The following ROCK1 variants were observed in gnomAD, a reference collection of about 807,000 sequenced individuals.
ROCK1 encodes Rho associated coiled-coil containing protein kinase 1, also known as rho-associated protein kinase 1.
In ROCK1, 36 loss-of-function variants were observed where a neutral mutation model predicts 196.8. That is an observed-to-expected ratio of 0.18 (90% CI 0.14 to 0.24). The LOEUF (loss-of-function observed/expected upper bound fraction) is 0.24. ROCK1 is among the 10% of genes least tolerant of loss of function. ROCK1 has a pLI of 1.00. For synonymous variants in ROCK1, 443 were observed against 515.9 expected (o/e 0.86, Z 1.91); for missense variants, 920 against 1,562.0 (o/e 0.59, Z 6.93).
At chr18:21,061,429 C>T (rs565180606) in intron 2 of ROCK1, among the ~76,000 whole-genome samples, 2 of 152,268 alleles carry the variant, frequency 1.3e-5, no homozygotes, top group South Asian at 4.1e-4. Context: ...AAAGGCTATA[C>T]ACTGTATGAT....
intron 2 of ROCK1, among the ~76,000 whole-genome samples, chr18:21,061,742 G>T (rs1035859528): frequency 2.0e-5 from 3 of 152,152 alleles, no homozygotes; most frequent in African/African-American, 7.2e-5. Context: ...ACGTAATGCT[G>T]GAAAACTGTT....
At chr18:21,001,667 A>T (rs1370443187) in intron 16 of ROCK1, among the ~76,000 whole-genome samples, 2 of 152,012 alleles carry the variant, frequency 1.3e-5, no homozygotes, top group African/African-American at 4.8e-5. Flanking sequence ...TGGGAGGCTG[A>T]GGCAGGAGAA....
At chr18:21,054,133 G>A (rs1421746465) in intron 2 of ROCK1, among the ~76,000 whole-genome samples, 3 of 152,034 alleles carry the variant, frequency 2.0e-5, no homozygotes, top group African/African-American at 4.8e-5. Context: ...TTTATTTATG[G>A]ACACTGAAAT....
chr18:21,090,592 T>C (rs2036561247), intron 1 of ROCK1, among the ~76,000 whole-genome samples: 2 of 152,198 alleles, frequency 1.3e-5, no homozygotes, highest in South Asian at 4.1e-4. Flanking sequence ...TCCTGCAGTT[T>C]TAAAATGTTA....
intron 23 of ROCK1, 105 bp from the exon 24 acceptor site, chr18:20,969,313 C>T (rs2035404453): frequency 1.7e-6 from 1 of 604,648 alleles, no homozygotes; most frequent in Non-Finnish European, 2.9e-6. Flanking sequence ...TCAGACACTG[C>T]TGAACTACAG....
intron 1 of ROCK1, among the ~76,000 whole-genome samples, chr18:21,104,938 C>T (rs1490516235): frequency 6.6e-6 from 1 of 152,186 alleles, no homozygotes; most frequent in Non-Finnish European, 1.5e-5. Flanking sequence ...CAATAACGCA[C>T]AGCTAGATTA....
chr18:21,044,118 C>A lies in ROCK1; in HGVS notation c.659G>T (p.Cys220Phe). 1 of 1,606,818 alleles carries A rather than the reference C, an allele frequency of 6.2e-7. No homozygotes were observed. Among genetic ancestry groups the A allele is most frequent in the Non-Finnish European group, 8.5e-7 (1 of 1,175,256 alleles). ...GHLKLADFGTCMKMNKEGMVR... is the reference protein window; with the variant it reads ...GHLKLADFGTFMKMNKEGMVR... ...TTAATTAACCTTATTCATCTTCATA[C>A]AAGTACCAAAATCTGCTAACTTCAA... The change falls in exon 6 of 33, where the codon TGT becomes TTT. Residue 220 changes from cysteine to phenylalanine, a missense_variant. Physicochemically the swap from Cys to Phe is radical, Grantham distance 205. Around this residue, in one of 6 missense-constraint regions of ROCK1, gnomAD observed 234 missense variants for 460.7 expected, o/e 0.51. Transcript: ENST00000399799.
At chr18:20,975,065 AAT>A (rs1201407863) in intron 22 of ROCK1, among the ~76,000 whole-genome samples, 46 of 152,348 alleles carry the variant, frequency 3.0e-4, no homozygotes, top group African/African-American at 1.1e-3. Flanking sequence ...CTAAGAATGA[AAT>A]ATCTGAAAAT....
chr18:21,067,130 T>C (rs536662444), intron 2 of ROCK1, among the ~76,000 whole-genome samples: 1 of 152,318 alleles, frequency 6.6e-6, no homozygotes, highest in African/African-American at 2.4e-5. Flanking sequence ...AGAGGTGTAC[T>C]AGTATCTTAT....
At chr18:21,033,550 T>C (rs28783679) in intron 9 of ROCK1, among the ~76,000 whole-genome samples, 1,536 of 152,082 alleles carry the variant, frequency 0.01, 20 homozygotes, top group African/African-American at 0.036. Flanking sequence ...TATCTCTATT[T>C]GCAGGTGACA....
Position 21,006,365 on chromosome 18 carries a change from A to G in ROCK1, c.1871T>C (p.Ile624Thr), listed in dbSNP as rs562631096. The change falls in exon 16 of 33, where the codon ATT becomes ACT. Residue 624 changes from isoleucine (I) to threonine (T), a missense_variant. Coordinates refer to ENST00000399799, the MANE Select transcript of ROCK1 (RefSeq NM_005406.3). ...AAAAATATTACCTTGAAGGTCTCCAATCATCTCAGAATCATGACCTCTGTC... is the reference window on the plus strand; with the variant it reads ...AAAAATATTACCTTGAAGGTCTCCAGTCATCTCAGAATCATGACCTCTGTC... ...RRDRGHDSEM[I>T]GDLQARITSL... 1 of 1,611,710 alleles carries G rather than the reference A, an allele frequency of 6.2e-7. No homozygotes were observed. The highest frequency in any genetic ancestry group is 8.5e-7 in the Non-Finnish European group (1 of 1,179,606).
At chr18:20,964,769 A>G (rs1319810338) in intron 27 of ROCK1, among the ~76,000 whole-genome samples, 1 of 152,230 alleles carries the variant, frequency 6.6e-6, no homozygotes, top group Non-Finnish European at 1.5e-5. Flanking sequence ...TCTTTGCTCA[A>G]TAAGTCAATT....
intron 1 of ROCK1, among the ~76,000 whole-genome samples, chr18:21,076,751 T>C (rs1396614071): frequency 2.0e-5 from 3 of 151,806 alleles, no homozygotes; most frequent in Non-Finnish European, 4.4e-5. Flanking sequence ...AGCAAATTGG[T>C]GGACTAGGAA....
intron 2 of ROCK1, among the ~76,000 whole-genome samples, chr18:21,060,340 T>C (rs1369494385): frequency 6.6e-6 from 1 of 152,290 alleles, no homozygotes; most frequent in East Asian, 1.9e-4. Flanking sequence ...TGAAAGACAT[T>C]ATGCAAATGA....
chr18:20,971,022 A>G (rs1181257172), intron 22 of ROCK1, among the ~76,000 whole-genome samples: 1 of 152,196 alleles, frequency 6.6e-6, no homozygotes, highest in African/African-American at 2.4e-5. Context: ...ATGAAAACTT[A>G]TAAGAGATTT....
At chr18:20,956,119 T>C (rs914598976) in intron 29 of ROCK1, among the ~76,000 whole-genome samples, 4 of 152,078 alleles carry the variant, frequency 2.6e-5, no homozygotes, top group East Asian at 1.9e-4. Flanking sequence ...TATGCAGTTG[T>C]CTCGTGGTAT....
At chr18:20,970,039 C>A in intron 23 of ROCK1, 1 of 191,664 alleles carries the variant, frequency 5.2e-6, no homozygotes, top group Non-Finnish European at 1.1e-5. Flanking sequence ...AAGAGAACAA[C>A]AAATGAATTT....
chr18:20,986,202 A>C (rs1365702652), intron 19 of ROCK1, among the ~76,000 whole-genome samples: 2 of 152,068 alleles, frequency 1.3e-5, no homozygotes, highest in Non-Finnish European at 2.9e-5. Flanking sequence ...TTGGCCTACA[A>C]ATTTCTCCCA....
At chr18:21,006,299 TATA>T (rs1260321872) in intron 16 of ROCK1, 49 bp downstream of exon 16, 3 of 1,412,880 alleles carry the variant, frequency 2.1e-6, no homozygotes, top group African/African-American at 2.9e-5. Flanking sequence ...GTTAAAATGT[TATA>T]ATAAATTTCA....
Sources: allele counts gnomAD v4.1 joint callset (sites outside exome capture counted in the v4.1 genomes callset), GRCh38; gene constraint gnomAD v4.1.1; regional missense constraint gnomAD v4.1.1; transcripts MANE v1.5; gene names NCBI Gene and HGNC (gene_info 2026-07-23, HGNC 2026-07-21).